Variants in PPP1R9A observed in about 807,000 individuals in gnomAD.
PPP1R9A encodes the protein neurabin-1.
In PPP1R9A, 59 loss-of-function variants were observed where a neutral mutation model predicts 141.9. That is an observed-to-expected ratio of 0.42 (90% CI 0.34 to 0.52). The LOEUF is 0.52. Ranked by LOEUF, PPP1R9A falls within the 20% of genes least tolerant of loss-of-function variation. PPP1R9A has a pLI of 0.10. For missense variants in PPP1R9A, 1,444 were observed against 1,611.9 expected, an observed-to-expected ratio of 0.90 and a Z score of 1.78; for synonymous variants, 500 against 569.7, an observed-to-expected ratio of 0.88 and a Z score of 1.74.
intron 5 of PPP1R9A, among the ~76,000 whole-genome samples, chr7:95,192,152 C>G (rs1185630988): frequency 6.6e-6 from 1 of 151,948 alleles, no homozygotes; most frequent in Non-Finnish European, 1.5e-5. Context: ...CATAAAAAAT[C>G]AACTCTATTT....
chr7:95,124,667 A>G (rs542807576), intron 4 of PPP1R9A, among the ~76,000 whole-genome samples: 24 of 151,640 alleles, frequency 1.6e-4, no homozygotes, highest in Admixed American at 1.2e-3. Context: ...AAAGGATAAG[A>G]TTCTGTATTA....
chr7:95,283,941 A>G, intron 16 of PPP1R9A, 77 bp from the exon 17 acceptor site: 2 of 1,258,954 alleles, frequency 1.6e-6, no homozygotes, highest in Non-Finnish European at 2.2e-6. Context: ...TTCAAACTAT[A>G]TTCAGAGTCC....
chr7:95,129,569 G>A (rs1232051825), intron 4 of PPP1R9A, among the ~76,000 whole-genome samples: 1 of 152,204 alleles, frequency 6.6e-6, no homozygotes, highest in African/African-American at 2.4e-5. Flanking sequence ...AAATGTGGAA[G>A]CGACTTTGGA....
intron 2 of PPP1R9A, among the ~76,000 whole-genome samples, chr7:95,005,116 A>G (rs1803421247): frequency 6.6e-6 from 1 of 152,064 alleles, no homozygotes; most frequent in Non-Finnish European, 1.5e-5. Context: ...GTGGGCAGGG[A>G]TTTTGTTTTG....
intron 4 of PPP1R9A, among the ~76,000 whole-genome samples, chr7:95,161,400 A>G (rs1338829242): frequency 1.3e-5 from 2 of 152,122 alleles, no homozygotes; most frequent in East Asian, 3.9e-4. Context: ...GTGTTTGACT[A>G]AGATCTGGGG....
chr7:95,181,824 A>G (rs1206269137), intron 5 of PPP1R9A, among the ~76,000 whole-genome samples: 2 of 147,774 alleles, frequency 1.4e-5, no homozygotes, highest in East Asian at 1.9e-4. Flanking sequence ...ATATATATAC[A>G]TATATGATAG....
chr7:95,185,289 T>C (rs1328818941), intron 5 of PPP1R9A, among the ~76,000 whole-genome samples: 2 of 152,102 alleles, frequency 1.3e-5, no homozygotes, highest in African/African-American at 2.4e-5. Flanking sequence ...ATTAGTGATG[T>C]TGAGCATTTT....
At chr7:95,141,271 A>G (rs1210926757) in intron 4 of PPP1R9A, among the ~76,000 whole-genome samples, 2 of 152,170 alleles carry the variant, frequency 1.3e-5, no homozygotes, top group Non-Finnish European at 2.9e-5. Flanking sequence ...TTAGAAATAT[A>G]TTTTATTGGA....
rs1370576147 is a variant in PPP1R9A, at chr7:94,911,264, CTGAAGATTCAAATAATTTTGA to C, written c.1154_1174del (p.Glu385_Asp391del). The C allele has an allele frequency of 4.3e-6, 7 of 1,613,990 alleles. No individual in the cohort carries two copies. Among genetic ancestry groups the C allele is most frequent in the Non-Finnish European group, 5.9e-6 (7 of 1,180,016 alleles). On this transcript the variant is annotated inframe_deletion, in exon 2 of 20. Coordinates refer to ENST00000433360, the MANE Select transcript of PPP1R9A (RefSeq NM_001166160.2). ...GCATCCAGTTGTGGAAAAGAAGTAC[CTGAAGATTCAAATAATTTTGA>C]TGGTTCCCATGTGTACATGCACAGT...
intron 2 of PPP1R9A, among the ~76,000 whole-genome samples, chr7:95,095,138 T>C (rs11766387): frequency 0.23 from 34,531 of 152,092 alleles, 4,937 homozygotes; most frequent in South Asian, 0.44. Context: ...ATGAACTGTC[T>C]ATACAGAATC....
chr7:95,079,601 C>T (rs994319530), intron 2 of PPP1R9A, among the ~76,000 whole-genome samples: 1 of 151,968 alleles, frequency 6.6e-6, no homozygotes, highest in African/African-American at 2.4e-5. Context: ...AGGCCAGCAT[C>T]ATCCTGATAC....
Position 95,189,433 on chromosome 7 carries a change from C to CTTTT in PPP1R9A, c.1755-8898_1755-8895dup, listed in dbSNP as rs1195484637. On this transcript the variant is annotated intron_variant, in intron 5 of 19. Coordinates refer to ENST00000433360, the MANE Select transcript of PPP1R9A (RefSeq NM_001166160.2). ...AAATTTTTTGGAGGGTTTGTTTATT[C>CTTTT]TTTTTTTTTTTTTTTTTTTTTGAGA... is the stretch of plus-strand genomic sequence containing the variant. Among the ~76,000 whole-genome samples, 392 of 116,162 alleles carry CTTTT rather than the reference C, an allele frequency of 3.4e-3. 11 individuals carry two copies. The highest frequency in any genetic ancestry group is 0.012 in the African/African-American group (346 of 28,178). 76.2% of individuals were successfully genotyped at this position (116,162 alleles called of 152,430 possible). A position where few individuals can be genotyped will look rare whatever the true frequency, so the allele number is the denominator to read the frequency against.
chr7:95,208,551 C>T (rs1341705356), intron 7 of PPP1R9A, among the ~76,000 whole-genome samples: 3 of 151,782 alleles, frequency 2.0e-5, no homozygotes, highest in East Asian at 1.9e-4. Context: ...GGTGAAATCC[C>T]GTCTTTACTA....
chr7:95,025,886 A>T (rs748554673), intron 2 of PPP1R9A, among the ~76,000 whole-genome samples: 1 of 152,142 alleles, frequency 6.6e-6, no homozygotes, highest in African/African-American at 2.4e-5. Context: ...ACTTGTGTAT[A>T]ATTCACGAAG....
At chr7:95,129,930 G>A (rs945804737) in intron 4 of PPP1R9A, among the ~76,000 whole-genome samples, 3 of 152,130 alleles carry the variant, frequency 2.0e-5, no homozygotes, top group Middle Eastern at 3.2e-3. Context: ...GCTGTCAAAG[G>A]CACTCAGTTT....
chr7:95,269,333 T>C lies in PPP1R9A; in HGVS notation c.2950T>C (p.Phe984Leu), dbSNP rs754877044. ...PLTPVDSNVP[F>L]SSDHIAEFQE... ...CACCCCGGTGGATAGCAATGTGCCC[T>C]TCTCGTCTGACCACATAGCTGAATT... The change falls in exon 14 of 20, where the codon TTC becomes CTC. Residue 984 changes from phenylalanine (F) to leucine (L), a missense_variant. This residue lies in a region of PPP1R9A where 459 missense variants were observed against 513.8 expected (regional missense o/e 0.89). Transcript: ENST00000433360. 39 of 1,598,614 alleles carry C rather than the reference T, an allele frequency of 2.4e-5. 1 individual carries two copies. In the Admixed American group the frequency reaches 5.5e-4, roughly 23 times the overall value.
intron 2 of PPP1R9A, among the ~76,000 whole-genome samples, chr7:95,084,035 A>G (rs1022182439): frequency 6.6e-6 from 1 of 152,100 alleles, no homozygotes; most frequent in Non-Finnish European, 1.5e-5. Flanking sequence ...GGAATATTGT[A>G]TGCTAGAAAA....
intron 5 of PPP1R9A, among the ~76,000 whole-genome samples, chr7:95,193,598 G>C (rs1217783929): frequency 6.6e-6 from 1 of 151,766 alleles, no homozygotes; most frequent in Non-Finnish European, 1.5e-5. Flanking sequence ...TTCTGGTTTG[G>C]AATTAGGGAT....
In PPP1R9A at chr7:95,049,304, T is replaced by C. The variant is rs77538817; in HGVS notation, c.1396-61955T>C. On this transcript the variant is annotated intron_variant, in intron 2 of 19. Transcript: ENST00000433360. ...TGGAGAAGAAAGGTCAATTTTTACC[T>C]CCAGGGGATAAACCACTAATTTGCG... Among the ~76,000 whole-genome samples the C allele has an allele frequency of 7.0e-3, 1,062 of 152,234 alleles. 12 individuals carry two copies. The highest frequency in any genetic ancestry group is 0.024 in the African/African-American group (1,003 of 41,544).
Sources: allele counts gnomAD v4.1 joint callset (sites outside exome capture counted in the v4.1 genomes callset), GRCh38; gene constraint gnomAD v4.1.1; regional missense constraint gnomAD v4.1.1; transcripts MANE v1.5; gene names NCBI Gene and HGNC (gene_info 2026-07-23, HGNC 2026-07-21).